KDM1B: variants seen among roughly 807,000 people sequenced by gnomAD.
The protein encoded by KDM1B is lysine demethylase 1B.
Under a neutral mutation model 107.4 loss-of-function variants are expected in KDM1B, and 63 were observed. The ratio of observed to expected loss-of-function variants is 0.59; its 90% CI spans 0.48 to 0.72. The LOEUF (loss-of-function observed/expected upper bound fraction) is 0.72. KDM1B is among the 30% of genes least tolerant of loss of function. KDM1B has a pLI of 0.00. For missense variants in KDM1B, 749 were observed against 1,020.8 expected, an observed-to-expected ratio of 0.73 and a Z score of 3.63; for synonymous variants, 363 against 363.9, an observed-to-expected ratio of 1.00 and a Z score of 0.03.
rs377110123 is a variant in KDM1B at position 18,197,724 on chromosome 6, T to A, written c.1221+63T>A. ...GACTGCTCCTTTTGGTCCAAATTTC[T>A]AAGATTTAGAAACCAGTTCCTATTT... On this transcript the variant is annotated intron_variant, in intron 12 of 21. Transcript: ENST00000650836. This position sits in a 1 kb window ranked among gnomAD's most constrained non-coding sequence, Gnocchi z 4.5. 9.2e-5 allele frequency: 112 copies of A among 1,212,284 alleles called. No individual in the cohort carries two copies. The Middle Eastern group carries it at 9.7e-4, about 10-fold the overall frequency. The allele number at this position is 1,212,284 out of a possible 1,614,324, so 75.1% of individuals were successfully genotyped here. A position where few individuals can be genotyped will look rare whatever the true frequency, so the allele number is the denominator to read the frequency against.
At chr6:18,166,674 C>T (rs1043423186) in intron 6 of KDM1B, among the ~76,000 whole-genome samples, 1 of 151,922 alleles carries the variant, frequency 6.6e-6, no homozygotes, top group East Asian at 1.9e-4. Context: ...TAGTAAGACC[C>T]CATCTTTACA....
rs533016543 is a variant in KDM1B, at chr6:18,210,342, C to CTTTTT, written c.1867-2120_1867-2116dup. On this transcript the variant is annotated intron_variant, in intron 17 of 21. Coordinates refer to ENST00000650836, the MANE Select transcript of KDM1B (RefSeq NM_001364614.2). ...TCTTTCTTTTTTTTCTCTTTCTTTT[C>CTTTTT]TTTTTTTTTTTTTTTTTTTTTTTTT... Among the ~76,000 whole-genome samples the CTTTTT allele has an allele frequency of 3.9e-3, 273 of 69,892 alleles. 5 individuals carry two copies. The highest frequency in any genetic ancestry group is 7.2e-3 in the East Asian group (17 of 2,368). The allele number at this position is 69,892 out of a possible 152,430, so 45.9% of individuals were successfully genotyped here. A position where few individuals can be genotyped will look rare whatever the true frequency, so the allele number is the denominator to read the frequency against.
Position 18,217,868 on chromosome 6 carries a change from G to A in KDM1B, c.2368G>A (p.Val790Ile), listed in dbSNP as rs201063293. The A allele has an allele frequency of 9.9e-6, 16 of 1,611,688 alleles. No individual in the cohort carries two copies. Among genetic ancestry groups the A allele is most frequent in the South Asian group, 5.5e-5 (5 of 90,856 alleles). Residue 790 changes from valine to isoleucine, a missense_variant, in exon 21 of 22, where the codon GTC (valine) becomes ATC (isoleucine). Transcript: ENST00000650836. The part of the protein sequence containing the change: ...DIIAEDIQGT[V>I]FFAGEATNRH... ...CATTGCTGAAGACATTCAAGGAACC[G>A]TCTTTTTCGCTGGTGAGGTATGGAT... is the stretch of plus-strand genomic sequence containing the variant.
In KDM1B at chr6:18,200,898, A is replaced by G. The variant is rs1787987855; in HGVS notation, c.1359+322A>G. Among the ~76,000 whole-genome samples, 1 of 152,236 alleles carries G rather than the reference A, an allele frequency of 6.6e-6. No individual in the cohort carries two copies. Among genetic ancestry groups the G allele is most frequent in the African/African-American group, 2.4e-5 (1 of 41,468 alleles). On this transcript the variant is annotated intron_variant, in intron 13 of 21. Coordinates refer to ENST00000650836, the MANE Select transcript of KDM1B (RefSeq NM_001364614.2). This position sits in a 1 kb window ranked among gnomAD's most constrained non-coding sequence, Gnocchi z 4.3. The stretch of plus-strand genomic sequence containing the variant: ...AATTAAATTTCATTTTCAGATAAAC[A>G]AGTAATTTTTTACCCAAGTATTTCC...
Position 18,217,797 on chromosome 6 carries a change from C to T in KDM1B, c.2297C>T (p.Ala766Val). The T allele has an allele frequency of 1.2e-6, 2 of 1,613,932 alleles. No individual in the cohort carries two copies. The highest frequency in any genetic ancestry group is 1.7e-6 in the Non-Finnish European group (2 of 1,179,850). ...AGCACAGACCCATGGATCCAGATGG[C>T]ATACAGTTTTGTGAAGACAGGTGGA... ...RWSTDPWIQM[A>V]YSFVKTGGSG... is the part of the protein sequence containing the mutation. The change falls in exon 21 of 22, where the codon GCA (alanine) becomes GTA (valine). Residue 766 changes from alanine to valine, a missense_variant. Physicochemically the swap from Ala to Val is moderately conservative, Grantham distance 64. Transcript: ENST00000650836.
Position 18,159,952 on chromosome 6 carries a change from T to G in KDM1B, c.57T>G (p.Asp19Glu), listed in dbSNP as rs1784865891. ...KKKASFDHSP[D>E]SLPLRSSGRQ... ...AAGCATCTTTTGATCATTCTCCGGA[T>G]AGCCTTCCTTTGAGGAGCTCCGGTA... Residue 19 changes from aspartate (D) to glutamate (E), a missense_variant, in exon 3 of 22, where the codon GAT becomes GAG. By Grantham distance (45) the Asp-to-Glu change is conservative. Transcript: ENST00000650836. This position sits in a 1 kb window ranked among gnomAD's most constrained non-coding sequence, Gnocchi z 4.5. 2.5e-6 allele frequency: 4 copies of G among 1,608,924 alleles called. No homozygotes were observed. Among genetic ancestry groups the G allele is most frequent in the Non-Finnish European group, 1.7e-6 (2 of 1,178,156 alleles).
chr6:18,223,554 T>TAACA lies in KDM1B; in HGVS notation c.*1563_*1566dup, dbSNP rs1789956293. The TAACA allele has an allele frequency of 6.6e-6, 1 of 152,166 alleles. No individual in the cohort carries two copies. Among genetic ancestry groups the TAACA allele is most frequent in the African/African-American group, 2.4e-5 (1 of 41,434 alleles). 9.4% of individuals were successfully genotyped at this position (152,166 alleles called of 1,614,324 possible). A position where few individuals can be genotyped will look rare whatever the true frequency, so the allele number is the denominator to read the frequency against. ...TGCAAAATGTTAAGTTTGAAATGGT[T>TAACA]AACAGTAAATTATTATGTTAGTTTC... On this transcript the variant is annotated 3_prime_UTR_variant, in exon 22 of 22. Transcript: ENST00000650836.
chr6:18,192,324 A>G (rs1787332024), intron 10 of KDM1B, among the ~76,000 whole-genome samples: 1 of 152,202 alleles, frequency 6.6e-6, no homozygotes, highest in Admixed American at 6.5e-5. Context: ...TTTAATCAGC[A>G]GTTTGCGTCA....
At chr6:18,164,570 G>A (rs1785170846) in intron 5 of KDM1B, among the ~76,000 whole-genome samples, 1 of 151,898 alleles carries the variant, frequency 6.6e-6, no homozygotes, top group Non-Finnish European at 1.5e-5. Flanking sequence ...CATAAATATG[G>A]CTGCCTCAGC....
In KDM1B at chr6:18,186,930, G is replaced by A. The variant is rs1035656827; in HGVS notation, c.574-862G>A. Among the ~76,000 whole-genome samples, 2 of 151,546 alleles carry A rather than the reference G, an allele frequency of 1.3e-5. No individual in the cohort carries two copies. The highest frequency in any genetic ancestry group is 1.5e-5 in the Non-Finnish European group (1 of 67,936). On this transcript the variant is annotated intron_variant, in intron 8 of 21. Transcript: ENST00000650836. The surrounding 1 kb of genome is among the most constrained non-coding windows in gnomAD (Gnocchi z 5.6). ...CAATTCAAGATGAGATTTGAGTGGG[G>A]ACCCAGCCAAACCATATCAGTATGT...
rs976105222 is a variant in KDM1B, at chr6:18,172,873, C to T, written c.534+1394C>T. Among the ~76,000 whole-genome samples the T allele has an allele frequency of 9.9e-5, 15 of 151,890 alleles. No homozygotes were observed. In the South Asian group the frequency reaches 1.0e-3, roughly 11 times the overall value. On this transcript the variant is annotated intron_variant, in intron 7 of 21. Coordinates refer to ENST00000650836, the MANE Select transcript of KDM1B (RefSeq NM_001364614.2). This position sits in a 1 kb window ranked among gnomAD's most constrained non-coding sequence, Gnocchi z 5.2. ...GGGAGGCCGAGATGGGCGGATCACC[C>T]GAGGTCAGGAGTTCAAGACCAGCCT...
At chr6:18,177,629 G>A (rs1786111722) in intron 7 of KDM1B, among the ~76,000 whole-genome samples, 1 of 151,674 alleles carries the variant, frequency 6.6e-6, no homozygotes, top group Admixed American at 6.6e-5. Context: ...GGCTGGTCTT[G>A]AACTCTTGGC....
intron 21 of KDM1B, among the ~76,000 whole-genome samples, chr6:18,218,981 C>T (rs976840138): frequency 6.6e-6 from 1 of 152,188 alleles, no homozygotes; most frequent in Non-Finnish European, 1.5e-5. Context: ...CAGCTCACTG[C>T]AAGCTCTGCC....
Position 18,172,834 on chromosome 6 carries a change from A to T in KDM1B, c.534+1355A>T, listed in dbSNP as rs1182754629. Among the ~76,000 whole-genome samples the T allele has an allele frequency of 1.3e-5, 2 of 152,130 alleles. No homozygotes were observed. The highest frequency in any genetic ancestry group is 4.8e-5 in the African/African-American group (2 of 41,418). On this transcript the variant is annotated intron_variant, in intron 7 of 21. Coordinates refer to ENST00000650836, the MANE Select transcript of KDM1B (RefSeq NM_001364614.2). This position sits in a 1 kb window ranked among gnomAD's most constrained non-coding sequence, Gnocchi z 5.2. Reference sequence around the variant, plus strand: ...GTTGGGCGCGGTGGCTCACACCTGTAATCCCAGCACTTTGGGAGGCCGAGA... The same window carrying T: ...GTTGGGCGCGGTGGCTCACACCTGTTATCCCAGCACTTTGGGAGGCCGAGA...
In KDM1B at chr6:18,217,599, G is replaced by C. The variant is rs536276079; in HGVS notation, c.2233-134G>C. 7.2e-5 allele frequency: 45 copies of C among 628,296 alleles called. No homozygotes were observed. In the East Asian group the frequency reaches 8.3e-4, roughly 12 times the overall value. 38.9% of individuals were successfully genotyped at this position (628,296 alleles called of 1,614,324 possible). A position where few individuals can be genotyped will look rare whatever the true frequency, so the allele number is the denominator to read the frequency against. The stretch of plus-strand genomic sequence containing the variant: ...TCACCGTGTTAGCCAGGATCGTCTC[G>C]ATCTCCTGACCTTGTGATCCACCCG... On this transcript the variant is annotated intron_variant, in intron 20 of 21. Coordinates refer to ENST00000650836, the MANE Select transcript of KDM1B (RefSeq NM_001364614.2).
chr6:18,218,524 A>G (rs1054005146), intron 21 of KDM1B, among the ~76,000 whole-genome samples: 1 of 152,100 alleles, frequency 6.6e-6, no homozygotes, highest in Admixed American at 6.5e-5. Flanking sequence ...TTTGCTCAAC[A>G]TGGTTATTTC....
intron 10 of KDM1B, among the ~76,000 whole-genome samples, chr6:18,192,363 T>C (rs1028891790): frequency 3.9e-5 from 6 of 152,212 alleles, no homozygotes; most frequent in African/African-American, 1.4e-4. Flanking sequence ...TGTGCAAGAC[T>C]GCCAAAGTGA....
rs1788621704 is a variant in KDM1B, at chr6:18,208,943, T to C, written c.1866+737T>C. On this transcript the variant is annotated intron_variant, in intron 17 of 21. Coordinates refer to ENST00000650836, the MANE Select transcript of KDM1B (RefSeq NM_001364614.2). Reference sequence around the variant, plus strand: ...TGCTGGGGTAACAGGCGTGAGCCACTGTGCTCCGCCCAAATAGAAGTATAT... The same window carrying C: ...TGCTGGGGTAACAGGCGTGAGCCACCGTGCTCCGCCCAAATAGAAGTATAT... 1.3e-5 allele frequency among the ~76,000 whole-genome samples: 2 copies of C among 151,906 alleles called. 1 individual carries two copies. Among genetic ancestry groups the C allele is most frequent in the South Asian group, 4.1e-4 (2 of 4,824 alleles).
chr6:18,218,084 A>C (rs1259957662), intron 21 of KDM1B, among the ~76,000 whole-genome samples, 199 bp downstream of exon 21: 1 of 151,914 alleles, frequency 6.6e-6, no homozygotes, highest in Non-Finnish European at 1.5e-5. Context: ...TCTGGACTTC[A>C]CTTCATATTT....
Sources: gnomAD v4.1 joint callset for allele counts (sites outside exome capture counted in the v4.1 genomes callset) on GRCh38, gnomAD v4.1.1 for gene constraint, Gnocchi (gnomAD v3.1) non-coding constraint, MANE v1.5 for transcripts, NCBI Gene and HGNC (gene_info 2026-07-23, HGNC 2026-07-21) for gene names.